The following ADAMTSL3 variants were observed in gnomAD, a reference collection of about 807,000 sequenced individuals.
The protein encoded by ADAMTSL3 is ADAMTS-like protein 3.
Under a neutral mutation model 201.7 loss-of-function variants are expected in ADAMTSL3, and 128 were observed. That is an observed-to-expected ratio of 0.63 (90% confidence interval 0.55 to 0.73). ADAMTSL3 has a LOEUF of 0.73. ADAMTSL3 is among the 30% of genes least tolerant of loss of function. The pLI, the probability that ADAMTSL3 is intolerant of heterozygous loss-of-function variation, is 0.00. For missense variants in ADAMTSL3, 1,990 were observed against 2,119.6 expected, an observed-to-expected ratio of 0.94 and a Z score of 1.20; for synonymous variants, 738 against 748.4, an observed-to-expected ratio of 0.99 and a Z score of 0.23.
In ADAMTSL3 at chr15:83,951,142, T is replaced by C. The variant is rs1376975935; in HGVS notation, c.2490+8060T>C. Among the ~76,000 whole-genome samples the C allele has an allele frequency of 2.0e-5, 3 of 152,134 alleles. No individual in the cohort carries two copies. In the East Asian group the frequency reaches 5.8e-4, roughly 29 times the overall value. On this transcript the variant is annotated intron_variant, in intron 19 of 29. Coordinates refer to ENST00000286744, the MANE Select transcript of ADAMTSL3 (RefSeq NM_207517.3). ...AGTTTTTCCCCATTCAGTATGATAC[T>C]AGCTGTGGGTCTGTCATACATGGCT... is the stretch of plus-strand genomic sequence containing the variant.
In ADAMTSL3 at chr15:83,654,942, G is replaced by GC. The variant is rs1310114827; in HGVS notation, c.-34+671dup. Among the ~76,000 whole-genome samples the GC allele has an allele frequency of 7.2e-5, 11 of 152,164 alleles. No individual in the cohort carries two copies. The highest frequency in any genetic ancestry group is 2.4e-4 in the African/African-American group (10 of 41,444). On this transcript the variant is annotated intron_variant, in intron 1 of 29. Transcript: ENST00000286744. This position sits in a 1 kb window ranked among gnomAD's most constrained non-coding sequence, Gnocchi z 5.3. ...CCAGATGGAGAGAAGCCACCGACCCGCCCCCGGACACCAGCTCCGCCAAGG... is the reference window on the plus strand; with the variant it reads ...CCAGATGGAGAGAAGCCACCGACCCGCCCCCCGGACACCAGCTCCGCCAAGG...
At chr15:83,742,863 A>G (rs1596124382) in intron 3 of ADAMTSL3, among the ~76,000 whole-genome samples, 1 of 152,108 alleles carries the variant, frequency 6.6e-6, no homozygotes, top group East Asian at 1.9e-4. Context: ...GTTTCTCACT[A>G]TTACAATTGG....
At chr15:83,927,189 C>A (rs7169152) in intron 17 of ADAMTSL3, among the ~76,000 whole-genome samples, 55,615 of 151,386 alleles carry the variant, frequency 0.37, 11,491 homozygotes, top group African/African-American at 0.54. Context: ...CAGTCTCGGC[C>A]CACTGCAGCC....
At chr15:83,782,503 A>G (rs558445889) in intron 4 of ADAMTSL3, among the ~76,000 whole-genome samples, 2 of 152,268 alleles carry the variant, frequency 1.3e-5, no homozygotes, top group South Asian at 4.2e-4. Flanking sequence ...TAAACTGGAT[A>G]AAGAAAATGT....
Position 83,892,749 on chromosome 15 carries a change from TTG to T in ADAMTSL3, c.1336_1337del (p.Val446ArgfsTer29). On this transcript the variant is annotated frameshift_variant, in exon 13 of 30. Transcript: ENST00000286744. LOFTEE classifies it high-confidence loss of function. ...GGAGGAGGGATTCAGAGACGGAGCT[TTG>T]TGTGTGTAGAGGAATCCATGCATGG... is the stretch of plus-strand genomic sequence containing the variant. 6.2e-7 allele frequency: 1 copy of T among 1,613,900 alleles called. No homozygotes were observed. Among genetic ancestry groups the T allele is most frequent in the Non-Finnish European group, 8.5e-7 (1 of 1,179,960 alleles).
chr15:83,761,844 A>G (rs1234999209), intron 3 of ADAMTSL3, among the ~76,000 whole-genome samples: 1 of 152,210 alleles, frequency 6.6e-6, no homozygotes. Flanking sequence ...GGACCTGGTT[A>G]TGATTCTTAG....
chr15:83,658,849 A>G lies in ADAMTSL3; in HGVS notation c.69+3019A>G, dbSNP rs551412244. On this transcript the variant is annotated intron_variant, in intron 2 of 29. Coordinates refer to ENST00000286744, the MANE Select transcript of ADAMTSL3 (RefSeq NM_207517.3). ...GAGTCCTGTGTTGACTGTGCCCTGA[A>G]TTACAACGTGCCCCCCCTTTTTTTT... 2.6e-5 allele frequency among the ~76,000 whole-genome samples: 4 copies of G among 152,308 alleles called. No homozygotes were observed. In the East Asian group the frequency reaches 5.8e-4, roughly 22 times the overall value.
At position 83,858,242 on chromosome 15, in the gene ADAMTSL3, C is replaced by T. The variant is rs566284999; in HGVS notation, c.728-524C>T. 2.0e-5 allele frequency among the ~76,000 whole-genome samples: 3 copies of T among 152,272 alleles called. No individual in the cohort carries two copies. In the East Asian group the frequency reaches 5.8e-4, roughly 29 times the overall value. The stretch of plus-strand genomic sequence containing the variant: ...CCTCATCAAAGCACATGGATTGGGC[C>T]ATGAGAGTAAAGGTAATTGAGGTAG... On this transcript the variant is annotated intron_variant, in intron 7 of 29. Transcript: ENST00000286744.
chr15:83,903,242 CTTTTTT>C (rs3044648), intron 15 of ADAMTSL3, among the ~76,000 whole-genome samples: 1 of 133,488 alleles, frequency 7.5e-6, no homozygotes, highest in Admixed American at 7.8e-5. Context: ...GCTGCCAGAT[CTTTTTT>C]TTTTTTTTTA....
intron 3 of ADAMTSL3, among the ~76,000 whole-genome samples, chr15:83,718,991 G>T (rs979613690): frequency 6.6e-6 from 1 of 151,992 alleles, no homozygotes; most frequent in African/African-American, 2.4e-5. Flanking sequence ...AGGGATGATA[G>T]AATGAGAATG....
chr15:83,840,117 A>C (rs1173731170), intron 7 of ADAMTSL3, among the ~76,000 whole-genome samples: 1 of 152,216 alleles, frequency 6.6e-6, no homozygotes, highest in Non-Finnish European at 1.5e-5. Context: ...CCTGAGGAAA[A>C]GCTGAAGTCA....
At chr15:83,992,469 G>A (rs1323426762) in intron 23 of ADAMTSL3, among the ~76,000 whole-genome samples, 1 of 152,092 alleles carries the variant, frequency 6.6e-6, no homozygotes, top group Non-Finnish European at 1.5e-5. Flanking sequence ...AGAAAGGGCC[G>A]GCATTCTCTG....
chr15:83,834,666 T>C (rs2141967604), intron 6 of ADAMTSL3, among the ~76,000 whole-genome samples: 1 of 152,324 alleles, frequency 6.6e-6, no homozygotes, highest in South Asian at 2.1e-4. Flanking sequence ...GAATATTTAT[T>C]CCAAAAAGCA....
Position 83,897,972 on chromosome 15 carries a change from T to G in ADAMTSL3, c.1582T>G (p.Cys528Gly). ...ACTGAAGTTACACATCAAAGAAGAA[T>G]GTGTCATTCCCATCCCGTGTTATAA... ...PQLKLHIKEE[C>G]VIPIPCYKPK... Residue 528 changes from cysteine to glycine, a missense_variant, in exon 14 of 30, where the codon TGT becomes GGT. Coordinates refer to ENST00000286744, the MANE Select transcript of ADAMTSL3 (RefSeq NM_207517.3). 6.2e-7 allele frequency: 1 copy of G among 1,613,824 alleles called. No homozygotes were observed.
chr15:83,765,087 G>A (rs777871264), intron 3 of ADAMTSL3, among the ~76,000 whole-genome samples: 1 of 152,184 alleles, frequency 6.6e-6, no homozygotes, highest in East Asian at 1.9e-4. Context: ...CTGAAGAAGA[G>A]AGAAGTAAAA....
At chr15:83,936,068 A>G (rs2066454728) in intron 17 of ADAMTSL3, among the ~76,000 whole-genome samples, 1 of 152,106 alleles carries the variant, frequency 6.6e-6, no homozygotes, top group Non-Finnish European at 1.5e-5. Context: ...AGAATGAATG[A>G]TGACCGAAGT....
intron 15 of ADAMTSL3, among the ~76,000 whole-genome samples, chr15:83,909,682 T>C (rs923322626): frequency 6.6e-6 from 1 of 152,136 alleles, no homozygotes; most frequent in African/African-American, 2.4e-5. Context: ...TGGTGTGATC[T>C]CAGCTCACTG....
chr15:83,681,540 G>T (rs948624543), intron 2 of ADAMTSL3, among the ~76,000 whole-genome samples: 2 of 152,204 alleles, frequency 1.3e-5, no homozygotes, highest in African/African-American at 2.4e-5. Flanking sequence ...ATGGATTCGG[G>T]ATTAATGTTA....
chr15:83,802,814 G>A (rs2063545686), intron 4 of ADAMTSL3, among the ~76,000 whole-genome samples: 1 of 152,146 alleles, frequency 6.6e-6, no homozygotes, highest in African/African-American at 2.4e-5. Context: ...TCTTAAAATT[G>A]TATACATCCC....
Sources: allele counts gnomAD v4.1 joint callset (sites outside exome capture counted in the v4.1 genomes callset), GRCh38; gene constraint gnomAD v4.1.1; non-coding constraint Gnocchi (gnomAD v3.1); transcripts MANE v1.5; gene names NCBI Gene and HGNC (gene_info 2026-07-23, HGNC 2026-07-21).